Variants in IL6ST observed in about 807,000 individuals in gnomAD.
IL6ST encodes the protein interleukin 6 cytokine family signal transducer, also known as interleukin-6 receptor subunit beta.
In IL6ST, 24 loss-of-function variants were observed where a neutral mutation model predicts 91.3. The ratio of observed to expected loss-of-function variants is 0.26; its 90% CI spans 0.19 to 0.37. The LOEUF (loss-of-function observed/expected upper bound fraction) is 0.37. IL6ST is among the 10% of genes least tolerant of loss of function. The probability of loss-of-function intolerance (pLI) is 1.00; values close to 1 mark genes in which losing one functional copy is unlikely to be tolerated. For synonymous variants in IL6ST, 351 were observed against 373.6 expected (o/e 0.94, Z 0.70); for missense variants, 914 against 1,078.5 (o/e 0.85, Z 2.14).
At position 55,936,341 on chromosome 5, in the gene IL6ST, GTTTT is replaced by G. The variant is rs57970223; in HGVS notation, c.*4737_*4740del. On this transcript the variant is annotated 3_prime_UTR_variant, in exon 17 of 17. Coordinates refer to ENST00000381298, the MANE Select transcript of IL6ST (RefSeq NM_002184.4). ...ACTTGGGCTCTTGACAACCAAGTAG[GTTTT>G]TTTTTTTTTTTTTTTTTTTAATGTC... is the stretch of plus-strand genomic sequence containing the variant. 144 of 148,956 alleles carry G rather than the reference GTTTT, an allele frequency of 9.7e-4. No homozygotes were observed. Among genetic ancestry groups the G allele is most frequent in the Middle Eastern group, 2.4e-3 (1 of 418 alleles). The allele number at this position is 148,956 out of a possible 1,614,324, so 9.2% of individuals were successfully genotyped here.
chr5:55,955,549 G>A (rs1283346108), intron 10 of IL6ST, among the ~76,000 whole-genome samples: 1 of 152,114 alleles, frequency 6.6e-6, no homozygotes, highest in Non-Finnish European at 1.5e-5. Flanking sequence ...ACAGATAAAC[G>A]TTTCAGTCAT....
intron 15 of IL6ST, chr5:55,944,753 G>A (rs1580785719): frequency 1.3e-5 from 13 of 996,684 alleles, no homozygotes; most frequent in Middle Eastern, 3.0e-4. Context: ...TTGTTGCACC[G>A]TGGAGGCCAC....
chr5:55,994,959 G>C lies in IL6ST; in HGVS notation c.-279C>G, dbSNP rs1015245054. 8 of 152,218 alleles carry C rather than the reference G, an allele frequency of 5.3e-5. No individual in the cohort carries two copies. The highest frequency in any genetic ancestry group is 5.2e-4 in the Admixed American group (8 of 15,292). The allele number at this position is 152,218 out of a possible 1,614,324, so 9.4% of individuals were successfully genotyped here. A position where few individuals can be genotyped will look rare whatever the true frequency, so the allele number is the denominator to read the frequency against. Reference sequence around the variant, plus strand: ...TCGCCCCGGCTCCGGAACACTGTCAGATCCTTCTCCGCAGAGGTAGCGCGC... The same window carrying C: ...TCGCCCCGGCTCCGGAACACTGTCACATCCTTCTCCGCAGAGGTAGCGCGC... On this transcript the variant is annotated 5_prime_UTR_variant, in exon 1 of 17. In the 5' UTR this introduces an upstream ATG that the reference lacks. Coordinates refer to ENST00000381298, the MANE Select transcript of IL6ST (RefSeq NM_002184.4).
chr5:55,950,535 CAAAAAAAAAAA>C lies in IL6ST; in HGVS notation c.1840+918_1840+928del, dbSNP rs70995750. On this transcript the variant is annotated intron_variant, in intron 14 of 16. Coordinates refer to ENST00000381298, the MANE Select transcript of IL6ST (RefSeq NM_002184.4). Reference sequence around the variant, plus strand: ...TGGGTGACAGAGCGAGACTCTGTCTCAAAAAAAAAAAAAAAAAAAAAAAAAGCAAAAAAAGG... The same window carrying C: ...TGGGTGACAGAGCGAGACTCTGTCTCAAAAAAAAAAAAAAGCAAAAAAAGG... Among the ~76,000 whole-genome samples the C allele has an allele frequency of 2.3e-3, 67 of 29,364 alleles. 1 individual carries two copies. Among genetic ancestry groups the C allele is most frequent in the Non-Finnish European group, 1.2e-3 (16 of 12,936 alleles). 19.3% of individuals were successfully genotyped at this position (29,364 alleles called of 152,430 possible). A position where few individuals can be genotyped will look rare whatever the true frequency, so the allele number is the denominator to read the frequency against.
intron 14 of IL6ST, chr5:55,948,888 T>C (rs973056687): frequency 6.6e-6 from 1 of 152,222 alleles, no homozygotes; most frequent in Non-Finnish European, 1.5e-5. Context: ...TTCTCCTTTT[T>C]CTGATTTACT....
chr5:55,982,193 A>AT (rs963672832), intron 2 of IL6ST, among the ~76,000 whole-genome samples: 28 of 151,388 alleles, frequency 1.8e-4, no homozygotes, highest in South Asian at 4.2e-4. Context: ...ATGGATTGTG[A>AT]TTTTTTTTTC....
At chr5:55,970,859 G>A (rs578129110) in intron 3 of IL6ST, among the ~76,000 whole-genome samples, 7 of 152,208 alleles carry the variant, frequency 4.6e-5, no homozygotes, top group Middle Eastern at 6.8e-3. Flanking sequence ...GTGAGATCAC[G>A]CCACTGCACT....
chr5:55,969,915 T>C, intron 3 of IL6ST, 60 bp from the exon 4 acceptor site: 1 of 1,132,940 alleles, frequency 8.8e-7, no homozygotes, highest in Non-Finnish European at 1.3e-6. Flanking sequence ...CAAAATGATA[T>C]CTAGCTGGTA....
At chr5:55,942,414 G>T (rs776043872) in intron 16 of IL6ST, among the ~76,000 whole-genome samples, 8 of 152,110 alleles carry the variant, frequency 5.3e-5, no homozygotes, top group Admixed American at 1.3e-4. Context: ...TCTGTAATGT[G>T]TACTAAACAA....
rs947257194 is a variant in IL6ST, at chr5:55,936,503, A to C, written c.*4579T>G. 1.9e-5 allele frequency: 4 copies of C among 215,060 alleles called. No homozygotes were observed. The highest frequency in any genetic ancestry group is 9.0e-5 in the African/African-American group (4 of 44,348). 13.3% of individuals were successfully genotyped at this position (215,060 alleles called of 1,614,324 possible). A position where few individuals can be genotyped will look rare whatever the true frequency, so the allele number is the denominator to read the frequency against. ...TAGTGTACTGGTTTTCTTTTAAATC[A>C]CATTCCATTATGTCATTTAAAATGT... is the stretch of plus-strand genomic sequence containing the variant. On this transcript the variant is annotated 3_prime_UTR_variant, in exon 17 of 17. Coordinates refer to ENST00000381298, the MANE Select transcript of IL6ST (RefSeq NM_002184.4).
chr5:55,946,430 A>G (rs112531917), intron 15 of IL6ST, among the ~76,000 whole-genome samples: 3,734 of 152,344 alleles, frequency 0.025, 177 homozygotes, highest in African/African-American at 0.085. Flanking sequence ...ATTATTTATA[A>G]TAGCTAAAAA....
chr5:55,943,978 T>C (rs1297284839), intron 15 of IL6ST, among the ~76,000 whole-genome samples: 1 of 152,112 alleles, frequency 6.6e-6, no homozygotes, highest in Non-Finnish European at 1.5e-5. Context: ...CTCGGGTGGC[T>C]GAGGCAGGAG....
chr5:55,979,255 G>A (rs1441048744), intron 2 of IL6ST, among the ~76,000 whole-genome samples: 1 of 152,116 alleles, frequency 6.6e-6, no homozygotes, highest in Non-Finnish European at 1.5e-5. Flanking sequence ...GAGAAAAAAG[G>A]CAAGAAAGTA....
At chr5:55,951,661 C>A in intron 13 of IL6ST, 57 bp from the exon 14 acceptor site, 1 of 1,525,888 alleles carries the variant, frequency 6.6e-7, no homozygotes, top group Non-Finnish European at 8.9e-7. Flanking sequence ...GCTTATTTGG[C>A]CTATATTTGG....
chr5:55,961,812 T>G (rs62363897), intron 7 of IL6ST, among the ~76,000 whole-genome samples: 1 of 150,462 alleles, frequency 6.6e-6, no homozygotes, highest in Non-Finnish European at 1.5e-5. Context: ...AAAATCAACA[T>G]GCCAATTTCA....
intron 10 of IL6ST, among the ~76,000 whole-genome samples, chr5:55,955,307 A>G (rs547060598): frequency 6.6e-6 from 1 of 152,260 alleles, no homozygotes; most frequent in East Asian, 1.9e-4. Context: ...AAAATACAAA[A>G]TTAGCCAGGC....
intron 2 of IL6ST, among the ~76,000 whole-genome samples, chr5:55,976,852 G>C (rs1580850560): frequency 6.6e-6 from 1 of 152,144 alleles, no homozygotes; most frequent in Non-Finnish European, 1.5e-5. Context: ...ATATAAATTA[G>C]AACTACTCAG....
chr5:55,987,734 A>T (rs1432282123), intron 1 of IL6ST, among the ~76,000 whole-genome samples: 4 of 152,252 alleles, frequency 2.6e-5, no homozygotes, highest in African/African-American at 9.6e-5. Flanking sequence ...CTCATTATAC[A>T]TAAAGTGCTT....
chr5:55,963,330 T>C (rs749378027), intron 7 of IL6ST, 22 bp downstream of exon 7: 42 of 1,527,054 alleles, frequency 2.8e-5, no homozygotes, highest in Non-Finnish European at 3.6e-5. Context: ...ACTATTTGAA[T>C]AAACGGTAAC....
Sources: allele counts gnomAD v4.1 joint callset (sites outside exome capture counted in the v4.1 genomes callset), GRCh38; gene constraint gnomAD v4.1.1; transcripts MANE v1.5; gene names NCBI Gene and HGNC (gene_info 2026-07-23, HGNC 2026-07-21).